The following TRAPPC9 variants were observed in gnomAD, a reference collection of about 807,000 sequenced individuals.
The protein encoded by TRAPPC9 is IKK2 binding protein.
TRAPPC9 carries 83 observed loss-of-function variants against 124.0 expected under a neutral mutation model. That is an observed-to-expected ratio of 0.67 (90% CI 0.56 to 0.80). The LOEUF is 0.80. Among genes scored for constraint, TRAPPC9 ranks in the 30% least tolerant of loss-of-function variants. The pLI is 0.00. For synonymous variants in TRAPPC9, 638 were observed against 617.5 expected (o/e 1.03, Z -0.49); for missense variants, 1,302 against 1,508.3 (o/e 0.86, Z 2.27).
chr8:140,337,037 G>A lies in TRAPPC9; in HGVS notation c.1495+23013C>T, dbSNP rs1005104387. 3.3e-5 allele frequency among the ~76,000 whole-genome samples: 5 copies of A among 152,230 alleles called. No homozygotes were observed. In the East Asian group the frequency reaches 5.8e-4, roughly 18 times the overall value. ...GTGGGTGCAGCCCCTTGTCAGTGTCGGACACTGAGATCCAACAACCACTGA... is the reference window on the plus strand; with the variant it reads ...GTGGGTGCAGCCCCTTGTCAGTGTCAGACACTGAGATCCAACAACCACTGA... On this transcript the variant is annotated intron_variant, in intron 9 of 22. Transcript: ENST00000438773.
chr8:139,850,923 G>A (rs932751101), intron 21 of TRAPPC9, among the ~76,000 whole-genome samples: 3 of 152,160 alleles, frequency 2.0e-5, no homozygotes, highest in Non-Finnish European at 4.4e-5. Flanking sequence ...AGATGAGTAA[G>A]ATATCCTCCA....
At chr8:140,091,032 G>A (rs1388718280) in intron 17 of TRAPPC9, among the ~76,000 whole-genome samples, 3 of 152,360 alleles carry the variant, frequency 2.0e-5, no homozygotes, top group African/African-American at 4.8e-5. Flanking sequence ...ACAGAAGACT[G>A]CAGAGAGAGA....
chr8:140,349,872 A>T (rs546856649), intron 9 of TRAPPC9, among the ~76,000 whole-genome samples: 1 of 152,340 alleles, frequency 6.6e-6, no homozygotes, highest in East Asian at 1.9e-4. Context: ...ACGGTAGCAC[A>T]GGGTGTCAGG....
At chr8:139,942,270 C>T (rs925178421) in intron 19 of TRAPPC9, among the ~76,000 whole-genome samples, 1 of 152,148 alleles carries the variant, frequency 6.6e-6, no homozygotes, top group Non-Finnish European at 1.5e-5. Flanking sequence ...GGCATTTTAC[C>T]TTCCTAGGGT....
chr8:139,779,713 C>A (rs939559812), intron 21 of TRAPPC9, among the ~76,000 whole-genome samples: 32 of 151,930 alleles, frequency 2.1e-4, no homozygotes, highest in African/African-American at 6.8e-4. Flanking sequence ...AGCTAATAAG[C>A]CAATGAAGGA....
At chr8:140,217,610 T>C (rs1419272071) in intron 17 of TRAPPC9, among the ~76,000 whole-genome samples, 2 of 63,012 alleles carry the variant, frequency 3.2e-5, no homozygotes, top group Non-Finnish European at 7.2e-5. Context: ...CAGACACATG[T>C]AAACACCTGC....
chr8:140,397,609 C>T lies in TRAPPC9; in HGVS notation c.1134+11G>A, dbSNP rs199596578. 151 of 1,613,518 alleles carry T rather than the reference C, an allele frequency of 9.4e-5. 1 individual carries two copies. Among genetic ancestry groups the T allele is most frequent in the Middle Eastern group, 6.7e-4 (4 of 5,972 alleles). ...ATGAACTCTTCCACTTACAGGTAGA[C>T]ATACACTCACCTGTCGAAGGTTAAT... On this transcript the variant is annotated intron_variant, in intron 7 of 22. Coordinates refer to ENST00000438773, the MANE Select transcript of TRAPPC9 (RefSeq NM_001160372.4).
At chr8:140,093,060 C>G (rs1289828633) in intron 17 of TRAPPC9, among the ~76,000 whole-genome samples, 7 of 152,138 alleles carry the variant, frequency 4.6e-5, no homozygotes, top group Non-Finnish European at 1.0e-4. Flanking sequence ...GAATGTCCCC[C>G]TGCTCATCTT....
At chr8:139,944,719 G>T (rs1221310559) in intron 19 of TRAPPC9, among the ~76,000 whole-genome samples, 1 of 152,058 alleles carries the variant, frequency 6.6e-6, no homozygotes, top group Admixed American at 6.6e-5. Flanking sequence ...AAAAGCAGTG[G>T]GGTCATTCAG....
At chr8:139,783,372 TGAAAA>T (rs1168344173) in intron 21 of TRAPPC9, among the ~76,000 whole-genome samples, 3 of 152,294 alleles carry the variant, frequency 2.0e-5, no homozygotes, top group South Asian at 4.1e-4. Context: ...CTCTAAATAT[TGAAAA>T]GAAAATAAGG....
chr8:140,134,658 T>C (rs1406382972), intron 17 of TRAPPC9, among the ~76,000 whole-genome samples: 1 of 152,210 alleles, frequency 6.6e-6, no homozygotes, highest in Non-Finnish European at 1.5e-5. Flanking sequence ...AGGAATGAAG[T>C]TGACCCCTAC....
intron 17 of TRAPPC9, among the ~76,000 whole-genome samples, chr8:140,220,315 T>C (rs572716647): frequency 5.9e-5 from 9 of 152,310 alleles, no homozygotes; most frequent in African/African-American, 1.4e-4. Flanking sequence ...CCGTACTTGG[T>C]AGCTCCGTGC....
chr8:140,262,450 T>C (rs570210758), intron 15 of TRAPPC9, among the ~76,000 whole-genome samples: 1 of 151,488 alleles, frequency 6.6e-6, no homozygotes, highest in African/African-American at 2.5e-5. Context: ...TTTTGTAAAC[T>C]TCTCCAGCGT....
chr8:139,811,740 C>G (rs74419539), intron 21 of TRAPPC9, among the ~76,000 whole-genome samples: 4 of 152,156 alleles, frequency 2.6e-5, no homozygotes, highest in African/African-American at 9.7e-5. Flanking sequence ...CCTAAATTCA[C>G]CTGACTGATA....
rs997972998 is a variant in TRAPPC9, at chr8:140,098,473, G to A, written c.2557-74394C>T. The A allele has an allele frequency of 2.0e-5, 3 of 152,156 alleles. No homozygotes were observed. In the East Asian group the frequency reaches 5.9e-4, roughly 30 times the overall value. 9.4% of individuals were successfully genotyped at this position (152,156 alleles called of 1,614,324 possible). A position where few individuals can be genotyped will look rare whatever the true frequency, so the allele number is the denominator to read the frequency against. ...ATCCGCAGGCTAAAAACGCCCCCCAGGGTTCTCCGCTGCCATCCGCAGGGC... is the reference window on the plus strand; with the variant it reads ...ATCCGCAGGCTAAAAACGCCCCCCAAGGTTCTCCGCTGCCATCCGCAGGGC... On this transcript the variant is annotated intron_variant, in intron 17 of 22. Coordinates refer to ENST00000438773, the MANE Select transcript of TRAPPC9 (RefSeq NM_001160372.4).
At chr8:140,370,444 A>G (rs1238813580) in intron 8 of TRAPPC9, among the ~76,000 whole-genome samples, 3 of 152,096 alleles carry the variant, frequency 2.0e-5, no homozygotes, top group African/African-American at 7.2e-5. Context: ...CTGGCCCCCA[A>G]AAATGTTTTT....
intron 7 of TRAPPC9, among the ~76,000 whole-genome samples, chr8:140,381,925 T>G (rs1273044042): frequency 6.6e-6 from 1 of 152,194 alleles, no homozygotes; most frequent in Non-Finnish European, 1.5e-5. Flanking sequence ...CCCAGCAATT[T>G]CACTGCTAAG....
intron 18 of TRAPPC9, among the ~76,000 whole-genome samples, chr8:140,004,413 A>G (rs551924438): frequency 1.3e-5 from 2 of 152,330 alleles, no homozygotes; most frequent in South Asian, 4.1e-4. Flanking sequence ...AGTTTGAAGG[A>G]CCACAGTGCA....
intron 9 of TRAPPC9, among the ~76,000 whole-genome samples, chr8:140,322,071 C>T (rs966119247): frequency 1.3e-5 from 2 of 152,166 alleles, no homozygotes; most frequent in Admixed American, 1.3e-4. Context: ...AAGGCAGTAC[C>T]CTGTGGAAGG....
Sources: gnomAD v4.1 joint callset for allele counts (sites outside exome capture counted in the v4.1 genomes callset) on GRCh38, gnomAD v4.1.1 for gene constraint, MANE v1.5 for transcripts, NCBI Gene and HGNC (gene_info 2026-07-23, HGNC 2026-07-21) for gene names.